Variants in TNFSF4 observed in about 807,000 individuals in gnomAD.
The protein encoded by TNFSF4 is tumor necrosis factor ligand superfamily member 4.
A neutral mutation model predicts 7.3 loss-of-function variants in TNFSF4; 4 were observed. The ratio of observed to expected loss-of-function variants is 0.55; its 90% CI spans 0.27 to 1.25. TNFSF4 has a LOEUF of 1.25. Ranked by LOEUF, TNFSF4 falls within the 50% of genes most tolerant of loss-of-function variation. The probability of loss-of-function intolerance (pLI) is 0.12; values close to 1 mark genes in which losing one functional copy is unlikely to be tolerated. For synonymous variants in TNFSF4, 76 were observed against 83.7 expected (o/e 0.91, Z 0.50); for missense variants, 181 against 208.8 (o/e 0.87, Z 0.82).
the TNFSF4 span, among the ~76,000 whole-genome samples, chr1:173,304,272 G>A: frequency 6.6e-6 from 1 of 151,872 alleles, no homozygotes; most frequent in Non-Finnish European, 1.5e-5. Context: ...CCCACAGCCA[G>A]AGAAGTGACC....
chr1:173,178,049 CTCCTTATTA>C, the TNFSF4 span, among the ~76,000 whole-genome samples: 5 of 152,172 alleles, frequency 3.3e-5, no homozygotes, highest in Admixed American at 2.6e-4. Context: ...TTAATACCCT[CTCCTTATTA>C]TCCTACCTAT....
At chr1:173,372,524 C>A in the TNFSF4 span, among the ~76,000 whole-genome samples, 19 of 152,292 alleles carry the variant, frequency 1.2e-4, no homozygotes, top group African/African-American at 4.6e-4. Flanking sequence ...CAGTGGCATA[C>A]CTAAGTAAGG....
the TNFSF4 span, among the ~76,000 whole-genome samples, chr1:173,377,286 T>C: frequency 7.2e-5 from 11 of 152,206 alleles, no homozygotes; most frequent in African/African-American, 2.7e-4. Context: ...CGGGCACCTG[T>C]TGGCCAGTTA....
chr1:173,380,029 G>A, the TNFSF4 span, among the ~76,000 whole-genome samples: 2 of 152,174 alleles, frequency 1.3e-5, no homozygotes, highest in Non-Finnish European at 2.9e-5. Flanking sequence ...TTTGACCATT[G>A]AGGGCCAGGA....
At chr1:173,299,891 G>T in the TNFSF4 span, among the ~76,000 whole-genome samples, 1 of 151,534 alleles carries the variant, frequency 6.6e-6, no homozygotes, top group Non-Finnish European at 1.5e-5. Flanking sequence ...TAGTGTCAGG[G>T]GTAGGCTGAG....
the TNFSF4 span, among the ~76,000 whole-genome samples, chr1:173,415,255 T>C: frequency 2.0e-5 from 3 of 152,254 alleles, no homozygotes; most frequent in Admixed American, 1.3e-4. Flanking sequence ...CATTTCTCCT[T>C]ACATATCTCC....
chr1:173,413,413 G>A, the TNFSF4 span, among the ~76,000 whole-genome samples: 1 of 152,130 alleles, frequency 6.6e-6, no homozygotes, highest in Admixed American at 6.5e-5. Context: ...ATTGTTTGGG[G>A]AAGTTCCCCA....
intron 1 of TNFSF4, among the ~76,000 whole-genome samples, chr1:173,201,091 G>C (rs1260782613): frequency 6.6e-6 from 1 of 152,188 alleles, no homozygotes; most frequent in Non-Finnish European, 1.5e-5. Flanking sequence ...TTATTTGGTA[G>C]CCAAGTCATT....
chr1:173,350,018 T>C, the TNFSF4 span, among the ~76,000 whole-genome samples: 1 of 152,196 alleles, frequency 6.6e-6, no homozygotes, highest in Non-Finnish European at 1.5e-5. Context: ...TAGCATAAAA[T>C]ATATTTATTG....
the TNFSF4 span, among the ~76,000 whole-genome samples, chr1:173,238,430 G>C: frequency 6.6e-6 from 1 of 152,084 alleles, no homozygotes. Context: ...GAACTAACAA[G>C]CTTCTTCACA....
intron 1 of TNFSF4, among the ~76,000 whole-genome samples, chr1:173,195,519 A>G (rs953967987): frequency 1.1e-4 from 16 of 152,200 alleles, no homozygotes; most frequent in African/African-American, 3.9e-4. Context: ...TCCAAAAACA[A>G]AGGTGGAAAG....
rs1163907680 is a variant in TNFSF4, at chr1:173,184,599, A to G, written c.*1917T>C. The G allele has an allele frequency of 6.6e-6, 1 of 152,154 alleles. No homozygotes were observed. Among genetic ancestry groups the G allele is most frequent in the Non-Finnish European group, 1.5e-5 (1 of 68,040 alleles). 9.4% of individuals were successfully genotyped at this position (152,154 alleles called of 1,614,324 possible). The stretch of plus-strand genomic sequence containing the variant: ...TTCCAAACTTAAAAATGAACCATGC[A>G]TTTTCTTAAATATTACCTATAGTCA... On this transcript the variant is annotated 3_prime_UTR_variant, in exon 3 of 3. Coordinates refer to ENST00000281834, the MANE Select transcript of TNFSF4 (RefSeq NM_003326.5).
the TNFSF4 span, among the ~76,000 whole-genome samples, chr1:173,297,651 G>C: frequency 7.4e-3 from 1,125 of 151,972 alleles, 12 homozygotes; most frequent in African/African-American, 0.024. Context: ...GGAGGCTGCA[G>C]GAGAGAATAC....
At chr1:173,258,339 A>T in the TNFSF4 span, among the ~76,000 whole-genome samples, 9 of 152,192 alleles carry the variant, frequency 5.9e-5, no homozygotes, top group Admixed American at 4.6e-4. Flanking sequence ...AGCAAGGAAA[A>T]GCAGGGTGGA....
At chr1:173,342,736 A>G in the TNFSF4 span, among the ~76,000 whole-genome samples, 1 of 151,762 alleles carries the variant, frequency 6.6e-6, no homozygotes, top group African/African-American at 2.4e-5. Context: ...CCTCTCCTCC[A>G]ATCCCAATGT....
chr1:173,438,922 G>A, the TNFSF4 span, among the ~76,000 whole-genome samples: 1 of 152,176 alleles, frequency 6.6e-6, no homozygotes, highest in Non-Finnish European at 1.5e-5. Flanking sequence ...AAATAAATGA[G>A]GCTTCAGAGA....
At chr1:173,419,797 T>C in the TNFSF4 span, among the ~76,000 whole-genome samples, 9 of 152,142 alleles carry the variant, frequency 5.9e-5, no homozygotes, top group South Asian at 2.1e-4. Context: ...AATGGACTTA[T>C]GGGTTTTTTA....
At chr1:173,201,615 T>C (rs1353546727) in intron 1 of TNFSF4, among the ~76,000 whole-genome samples, 1 of 152,154 alleles carries the variant, frequency 6.6e-6, no homozygotes, top group Non-Finnish European at 1.5e-5. Context: ...GAAATTTACT[T>C]GGGGTCAAGA....
At chr1:173,324,093 T>C in the TNFSF4 span, among the ~76,000 whole-genome samples, 20,827 of 152,076 alleles carry the variant, frequency 0.14, 2,224 homozygotes, top group African/African-American at 0.3. Flanking sequence ...AAGGAAAACA[T>C]ATTAAGAGCA....
Sources: gnomAD v4.1 joint callset for allele counts (sites outside exome capture counted in the v4.1 genomes callset) on GRCh38, gnomAD v4.1.1 for gene constraint, MANE v1.5 for transcripts, NCBI Gene and HGNC (gene_info 2026-07-23, HGNC 2026-07-21) for gene names.